Variants in CCSER1 observed in about 807,000 individuals in gnomAD.
CCSER1 encodes coiled-coil serine rich protein 1, also known as serine-rich coiled-coil domain-containing protein 1.
CCSER1 carries 41 observed loss-of-function variants against 82.0 expected under a neutral mutation model. The observed-to-expected ratio is 0.50, with a 90% confidence interval of 0.39 to 0.65. The LOEUF (loss-of-function observed/expected upper bound fraction) is 0.65, where lower values mean the gene tolerates loss of function less well. Among genes scored for constraint, CCSER1 ranks in the 30% least tolerant of loss-of-function variants. CCSER1 has a pLI of 0.00. For missense variants in CCSER1, 1,119 were observed against 1,064.2 expected (o/e 1.05, Z -0.72); for synonymous variants, 414 against 383.9 (o/e 1.08, Z -0.92).
At chr4:90,834,369 G>T (rs1761518871) in intron 8 of CCSER1, among the ~76,000 whole-genome samples, 1 of 152,102 alleles carries the variant, frequency 6.6e-6, no homozygotes, top group African/African-American at 2.4e-5. Context: ...GTTGAATAAA[G>T]AATTGATAAT....
intron 5 of CCSER1, among the ~76,000 whole-genome samples, chr4:90,612,328 G>A (rs1348787922): frequency 2.6e-5 from 4 of 152,100 alleles, no homozygotes; most frequent in African/African-American, 9.7e-5. Context: ...AATTCAGTAG[G>A]ACAGGGTATT....
chr4:90,505,890 C>T (rs1770609109), intron 5 of CCSER1, among the ~76,000 whole-genome samples: 1 of 152,150 alleles, frequency 6.6e-6, no homozygotes, highest in South Asian at 2.1e-4. Context: ...CTGCTGAATT[C>T]CTAATTCACT....
At chr4:91,378,705 A>G (rs1023165700) in intron 10 of CCSER1, among the ~76,000 whole-genome samples, 1 of 152,172 alleles carries the variant, frequency 6.6e-6, no homozygotes, top group East Asian at 1.9e-4. Flanking sequence ...AAGAGGGACA[A>G]TTTGACTTCC....
chr4:90,682,163 A>G (rs1734005849), intron 6 of CCSER1, among the ~76,000 whole-genome samples: 1 of 151,754 alleles, frequency 6.6e-6, no homozygotes, highest in African/African-American at 2.4e-5. Flanking sequence ...CATCTTGGAG[A>G]GTTCTTCCTA....
chr4:91,226,457 GA>G (rs907239071), intron 10 of CCSER1, among the ~76,000 whole-genome samples: 7 of 151,932 alleles, frequency 4.6e-5, no homozygotes, highest in African/African-American at 1.7e-4. Context: ...TGATTTAAAT[GA>G]AAAGTTATCT....
At chr4:91,153,521 C>T (rs187735396) in intron 10 of CCSER1, among the ~76,000 whole-genome samples, 1 of 151,998 alleles carries the variant, frequency 6.6e-6, no homozygotes, top group Non-Finnish European at 1.5e-5. Context: ...CTCAACTTGT[C>T]AAAGTCATTC....
intron 9 of CCSER1, among the ~76,000 whole-genome samples, chr4:91,023,134 C>A (rs183285211): frequency 2.3e-3 from 347 of 152,208 alleles, no homozygotes; most frequent in African/African-American, 7.0e-3. Flanking sequence ...GAACTACAAA[C>A]CACTGCTCAA....
At chr4:90,832,566 A>C (rs1007718448) in intron 8 of CCSER1, among the ~76,000 whole-genome samples, 2 of 152,206 alleles carry the variant, frequency 1.3e-5, no homozygotes, top group African/African-American at 4.8e-5. Flanking sequence ...ATCCATAAAA[A>C]AATAAAATAG....
intron 4 of CCSER1, among the ~76,000 whole-genome samples, chr4:90,417,582 T>C (rs893083024): frequency 5.3e-5 from 8 of 152,154 alleles, no homozygotes; most frequent in Admixed American, 3.9e-4. Context: ...TTATTTAGTA[T>C]ATTAGATCTG....
intron 10 of CCSER1, among the ~76,000 whole-genome samples, chr4:91,119,300 A>G (rs1287517364): frequency 6.6e-6 from 1 of 152,062 alleles, no homozygotes; most frequent in Non-Finnish European, 1.5e-5. Context: ...TGTTTAATTC[A>G]TACTATTAAG....
intron 4 of CCSER1, among the ~76,000 whole-genome samples, chr4:90,459,671 C>T (rs2153582722): frequency 6.6e-6 from 1 of 152,156 alleles, no homozygotes; most frequent in South Asian, 2.1e-4. Context: ...CTTAAAAGGG[C>T]ACCAGTCGTA....
intron 1 of CCSER1, among the ~76,000 whole-genome samples, chr4:90,188,053 T>C (rs1734940909): frequency 6.6e-6 from 1 of 151,936 alleles, no homozygotes; most frequent in Admixed American, 6.6e-5. Context: ...GGTTTACTTT[T>C]TTGAAGCAGT....
chr4:90,208,096 G>A (rs1041385749), intron 1 of CCSER1, among the ~76,000 whole-genome samples: 22 of 152,180 alleles, frequency 1.4e-4, no homozygotes, highest in Admixed American at 7.2e-4. Context: ...AGCTGCGCCC[G>A]CAGCCACCCC....
At chr4:90,436,277 G>T (rs569507159) in intron 4 of CCSER1, among the ~76,000 whole-genome samples, 18 of 152,140 alleles carry the variant, frequency 1.2e-4, no homozygotes, top group African/African-American at 4.3e-4. Flanking sequence ...GTCTTTTTCT[G>T]GAACTTAATT....
chr4:90,570,562 G>T lies in CCSER1; in HGVS notation c.1725-57463G>T, dbSNP rs145004368. Among the ~76,000 whole-genome samples, 7 of 152,154 alleles carry T rather than the reference G, an allele frequency of 4.6e-5. No homozygotes were observed. In the East Asian group the frequency reaches 1.4e-3, roughly 30 times the overall value. On this transcript the variant is annotated intron_variant, in intron 5 of 10. Coordinates refer to ENST00000509176, the MANE Select transcript of CCSER1 (RefSeq NM_001145065.2). Reference sequence around the variant, plus strand: ...GTCCCCTGGGAGTTGCATGCCTCCTGGTGACCTCCTTCAACATGGACTATC... The same window carrying T: ...GTCCCCTGGGAGTTGCATGCCTCCTTGTGACCTCCTTCAACATGGACTATC...
At chr4:91,453,414 A>G (rs1755974265) in intron 10 of CCSER1, among the ~76,000 whole-genome samples, 1 of 152,004 alleles carries the variant, frequency 6.6e-6, no homozygotes, top group Non-Finnish European at 1.5e-5. Context: ...AGGGTCTCTC[A>G]AGACTGCTTC....
At chr4:91,078,042 A>G (rs561927200) in intron 9 of CCSER1, among the ~76,000 whole-genome samples, 1 of 152,372 alleles carries the variant, frequency 6.6e-6, no homozygotes, top group East Asian at 1.9e-4. Flanking sequence ...AAAAGGCAGC[A>G]GAAACTTCTG....
chr4:91,289,483 A>G (rs1333946313), intron 10 of CCSER1, among the ~76,000 whole-genome samples: 1 of 152,084 alleles, frequency 6.6e-6, no homozygotes, highest in Non-Finnish European at 1.5e-5. Context: ...AGCATGAAAG[A>G]ACAGATGTCT....
At chr4:90,472,344 G>T (rs1764512097) in intron 5 of CCSER1, among the ~76,000 whole-genome samples, 1 of 152,012 alleles carries the variant, frequency 6.6e-6, no homozygotes, top group South Asian at 2.1e-4. Context: ...TCTAACCAAT[G>T]TTTAGTTATA....
Sources: gnomAD v4.1 joint callset for allele counts (sites outside exome capture counted in the v4.1 genomes callset) on GRCh38, gnomAD v4.1.1 for gene constraint, MANE v1.5 for transcripts, NCBI Gene and HGNC (gene_info 2026-07-23, HGNC 2026-07-21) for gene names.